The following AFG3L2 variants were observed in gnomAD, a reference collection of about 807,000 sequenced individuals.
AFG3L2 encodes the protein mitochondrial inner membrane m-AAA protease component AFG3L2.
In AFG3L2, 54 loss-of-function variants were observed where a neutral mutation model predicts 94.5. The observed-to-expected ratio is 0.57, with a 90% CI of 0.46 to 0.72. The LOEUF (loss-of-function observed/expected upper bound fraction) is 0.72. Among genes scored for constraint, AFG3L2 ranks in the 30% least tolerant of loss-of-function variants. AFG3L2 has a pLI of 0.00. For missense variants in AFG3L2, 754 were observed against 994.9 expected (o/e 0.76, Z 3.26); for synonymous variants, 377 against 365.5 (o/e 1.03, Z -0.36).
intron 16 of AFG3L2, among the ~76,000 whole-genome samples, chr18:12,333,032 A>T (rs1568132000): frequency 1.3e-3 from 84 of 65,088 alleles, no homozygotes; most frequent in African/African-American, 3.5e-3. Context: ...TAATATATAA[A>T]AATATATAAT....
chr18:12,337,220 C>T lies in AFG3L2; in HGVS notation c.2175+121G>A, dbSNP rs555779048. The T allele has an allele frequency of 3.4e-6, 3 of 889,952 alleles. No individual in the cohort carries two copies. The African/African-American group carries it at 4.9e-5, about 15-fold the overall frequency. The allele number at this position is 889,952 out of a possible 1,614,324, so 55.1% of individuals were successfully genotyped here. A position where few individuals can be genotyped will look rare whatever the true frequency, so the allele number is the denominator to read the frequency against. On this transcript the variant is annotated intron_variant, in intron 16 of 16. Coordinates refer to ENST00000269143, the MANE Select transcript of AFG3L2 (RefSeq NM_006796.3). ...ACAACGAAACATCAGAACGAACGGA[C>T]CCATGGGTGAGCCAGAGAGAGGGAA...
chr18:12,352,514 A>G (rs1446152075), intron 10 of AFG3L2, among the ~76,000 whole-genome samples: 1 of 152,212 alleles, frequency 6.6e-6, no homozygotes. Flanking sequence ...AAAGTATTCA[A>G]AATTTGCTAA....
At chr18:12,338,021 C>T (rs544742728) in intron 15 of AFG3L2, among the ~76,000 whole-genome samples, 4 of 152,268 alleles carry the variant, frequency 2.6e-5, no homozygotes, top group African/African-American at 9.6e-5. Flanking sequence ...CTGCCCGCTT[C>T]GGCCTCCCAA....
chr18:12,358,968 G>T (rs1441090805), intron 7 of AFG3L2, 25 bp from the exon 8 acceptor site: 2 of 1,598,434 alleles, frequency 1.3e-6, no homozygotes, highest in African/African-American at 1.3e-5. Context: ...CGCAACACGG[G>T]TTAGGACTGG....
At chr18:12,348,151 G>A in intron 13 of AFG3L2, 122 bp downstream of exon 13, 1 of 801,674 alleles carries the variant, frequency 1.2e-6, no homozygotes, top group Non-Finnish European at 2.1e-6. Context: ...CACAAATGTG[G>A]TGGGCCCCAG....
intron 16 of AFG3L2, 94 bp downstream of exon 16, chr18:12,337,247 T>C: frequency 9.1e-7 from 1 of 1,096,834 alleles, no homozygotes; most frequent in Admixed American, 1.7e-5. Context: ...GAGAGGGAAT[T>C]CTGCAGTCTA....
Position 12,367,319 on chromosome 18 carries a change from C to T in AFG3L2, c.356G>A (p.Gly119Asp), listed in dbSNP as rs1908837238. The T allele has an allele frequency of 1.9e-6, 3 of 1,614,220 alleles. No individual in the cohort carries two copies. The highest frequency in any genetic ancestry group is 2.5e-6 in the Non-Finnish European group (3 of 1,180,040). ...CCAGTGAGAATCATCTTTCTTGCCA[C>T]CTCGTTTTCCACCGCCACCACCTCC... ...GGGGGGGGKR[G>D]GKKDDSHWWS... Residue 119 changes from glycine (G) to aspartate (D), a missense_variant, in exon 4 of 17, where the codon GGT becomes GAT. Physicochemically the swap from Gly to Asp is moderately conservative, Grantham distance 94. Transcript: ENST00000269143.
intron 6 of AFG3L2, among the ~76,000 whole-genome samples, chr18:12,360,748 T>G (rs1045891860): frequency 2.0e-5 from 3 of 152,216 alleles, no homozygotes; most frequent in Admixed American, 2.0e-4. Flanking sequence ...GTCTACTGAC[T>G]GAATATGAGC....
intron 13 of AFG3L2, among the ~76,000 whole-genome samples, chr18:12,347,795 T>C (rs12968089): frequency 0.76 from 115,464 of 151,962 alleles, 44,138 homozygotes; most frequent in Non-Finnish European, 0.78. Flanking sequence ...GTGATCTGCC[T>C]GCCTCGGCCT....
intron 14 of AFG3L2, chr18:12,342,256 A>C (rs1415963991): frequency 6.6e-6 from 1 of 152,134 alleles, no homozygotes; most frequent in Non-Finnish European, 1.5e-5. Context: ...CATTTTAACC[A>C]TTCTAGCAAG....
rs577951724 is a variant in AFG3L2 at position 12,374,115 on chromosome 18, TATCCCTAGCAATA to T, written c.115-2437_115-2425del. 1.6e-3 allele frequency among the ~76,000 whole-genome samples: 238 copies of T among 152,326 alleles called. 1 individual carries two copies. The highest frequency in any genetic ancestry group is 5.1e-3 in the African/African-American group (210 of 41,582). On this transcript the variant is annotated intron_variant, in intron 1 of 16. Transcript: ENST00000269143. ...ATTTTCAAATTGTGTTGACATGGAA[TATCCCTAGCAATA>T]ATCCGTGACTGAATTTAACACTGAG... is the stretch of plus-strand genomic sequence containing the variant.
At chr18:12,375,426 A>C (rs1415629993) in intron 1 of AFG3L2, among the ~76,000 whole-genome samples, 2 of 151,674 alleles carry the variant, frequency 1.3e-5, no homozygotes, top group Middle Eastern at 6.3e-3. Flanking sequence ...AAAAAAAAAA[A>C]ACAATTTGTA....
intron 1 of AFG3L2, among the ~76,000 whole-genome samples, chr18:12,374,760 A>G (rs940836896): frequency 1.1e-4 from 17 of 152,212 alleles, no homozygotes; most frequent in African/African-American, 4.1e-4. Flanking sequence ...ATTCATGAGC[A>G]GCAAAAGAAA....
intron 5 of AFG3L2, 78 bp downstream of exon 5, chr18:12,366,887 T>G (rs953178915): frequency 6.4e-7 from 1 of 1,570,786 alleles, no homozygotes; most frequent in Non-Finnish European, 8.8e-7. Context: ...GTTAACCTGC[T>G]GACTGTCACT....
intron 15 of AFG3L2, among the ~76,000 whole-genome samples, chr18:12,339,930 C>T (rs1477839765): frequency 1.4e-5 from 2 of 147,610 alleles, no homozygotes; most frequent in African/African-American, 5.0e-5. Flanking sequence ...TGAGGCAGGA[C>T]AATCACTTGA....
chr18:12,350,800 T>C (rs1283881624), intron 12 of AFG3L2, among the ~76,000 whole-genome samples: 1 of 152,072 alleles, frequency 6.6e-6, no homozygotes, highest in East Asian at 1.9e-4. Context: ...ATCAAAAAAT[T>C]AGCTGGGCAT....
In AFG3L2 at chr18:12,369,365, T is replaced by C. The variant is rs147043224; in HGVS notation, c.292+1484A>G. Among the ~76,000 whole-genome samples, 412 of 152,248 alleles carry C rather than the reference T, an allele frequency of 2.7e-3. 4 individuals are homozygous for C. The highest frequency in any genetic ancestry group is 5.0e-3 in the South Asian group (24 of 4,820). ...AGTGCTTCTCCCTCCCCATGTCCCC[T>C]GGCTCTTACTCCTTTGCATTCTTTG... On this transcript the variant is annotated intron_variant, in intron 3 of 16. Transcript: ENST00000269143.
chr18:12,349,805 C>T (rs944255788), intron 12 of AFG3L2, among the ~76,000 whole-genome samples: 2 of 151,240 alleles, frequency 1.3e-5, no homozygotes, highest in South Asian at 2.1e-4. Flanking sequence ...GGGATTACAG[C>T]ACCCCCACCA....
At chr18:12,350,061 G>C (rs545213627) in intron 12 of AFG3L2, among the ~76,000 whole-genome samples, 2 of 151,850 alleles carry the variant, frequency 1.3e-5, no homozygotes, top group South Asian at 2.1e-4. Flanking sequence ...ATCTGGGCTG[G>C]AGTGCAGTGG....
Sources: allele counts gnomAD v4.1 joint callset (sites outside exome capture counted in the v4.1 genomes callset), GRCh38; gene constraint gnomAD v4.1.1; transcripts MANE v1.5; gene names NCBI Gene and HGNC (gene_info 2026-07-23, HGNC 2026-07-21).